MROH9: variants seen among roughly 807,000 people sequenced by gnomAD.
The protein encoded by MROH9 is maestro heat-like repeat-containing protein family member 9.
Under a neutral mutation model 98.2 loss-of-function variants are expected in MROH9, and 92 were observed. That is an observed-to-expected ratio of 0.94 (90% CI 0.79 to 1.11). The LOEUF (loss-of-function observed/expected upper bound fraction) is 1.11, where lower values mean the gene tolerates loss of function less well. Among genes scored for constraint, MROH9 ranks in the 50% most tolerant of loss-of-function variants. MROH9 has a pLI of 0.00. For missense variants in MROH9, 1,057 were observed against 1,014.8 expected (o/e 1.04, Z -0.57); for synonymous variants, 397 against 368.9 (o/e 1.08, Z -0.87).
rs375147336 is a variant in MROH9 at position 170,995,516 on chromosome 1, T to A, written c.1322T>A (p.Leu441His). Residue 441 changes from leucine (L) to histidine (H), a missense_variant, in exon 13 of 22, where the codon CTC becomes CAC. Coordinates refer to ENST00000367759, the MANE Select transcript of MROH9 (RefSeq NM_001163629.2). Reference protein sequence around the residue: ...VFYNSELKPILKDRALYAQDA... With the variant: ...VFYNSELKPIHKDRALYAQDA... ...TACAACAGTGAGCTGAAACCGATAC[T>A]CAAGGACAGGGCTTTGTGAGTTAAA... 9.3e-6 allele frequency: 15 copies of A among 1,613,068 alleles called. No homozygotes were observed. Among genetic ancestry groups the A allele is most frequent in the Non-Finnish European group, 1.3e-5 (15 of 1,179,466 alleles).
intron 20 of MROH9, among the ~76,000 whole-genome samples, chr1:171,040,089 A>C (rs1031854677): frequency 1.3e-5 from 2 of 152,164 alleles, no homozygotes; most frequent in Admixed American, 1.3e-4. Flanking sequence ...ACGTTAAAAT[A>C]AGTGAAATAA....
chr1:170,973,944 G>A (rs1278297856), intron 8 of MROH9, among the ~76,000 whole-genome samples: 1 of 152,104 alleles, frequency 6.6e-6, no homozygotes, highest in Non-Finnish European at 1.5e-5. Flanking sequence ...GGAATTAGAA[G>A]ATAAAAACAT....
chr1:171,029,043 C>T (rs1244218837), intron 20 of MROH9, among the ~76,000 whole-genome samples: 2 of 152,134 alleles, frequency 1.3e-5, no homozygotes, highest in African/African-American at 4.8e-5. Context: ...ACTTTCAATA[C>T]TATGTTGAAT....
intron 7 of MROH9, among the ~76,000 whole-genome samples, chr1:170,970,749 AG>A (rs1557878806): frequency 5.2e-4 from 74 of 142,554 alleles, no homozygotes; most frequent in Middle Eastern, 3.9e-3. Context: ...AGAGAGAGAG[AG>A]AGAGAGAGAG....
At chr1:170,990,657 G>A (rs1485613504) in intron 11 of MROH9, among the ~76,000 whole-genome samples, 1 of 152,188 alleles carries the variant, frequency 6.6e-6, no homozygotes, top group Non-Finnish European at 1.5e-5. Flanking sequence ...TATGAACAGT[G>A]TAAAAGGCAG....
Position 170,964,231 on chromosome 1 carries a change from T to A in MROH9, c.376-920T>A, listed in dbSNP as rs1650139076. Among the ~76,000 whole-genome samples the A allele has an allele frequency of 2.6e-5, 4 of 152,196 alleles. No homozygotes were observed. In the South Asian group the frequency reaches 8.3e-4, roughly 32 times the overall value. On this transcript the variant is annotated intron_variant, in intron 6 of 21. Coordinates refer to ENST00000367759, the MANE Select transcript of MROH9 (RefSeq NM_001163629.2). ...CAATAATATATATAATGCTAATGTG[T>A]GGAGGAGCCCCTCTAGCTTGGAAGC...
chr1:170,956,595 G>GTTTTT (rs5778690), intron 3 of MROH9, among the ~76,000 whole-genome samples: 1 of 104,608 alleles, frequency 9.6e-6, no homozygotes, highest in African/African-American at 3.8e-5. Context: ...TTTTTTTTTT[G>GTTTTT]TTTTTTTTTT....
chr1:170,968,326 T>C (rs1650310700), intron 7 of MROH9, among the ~76,000 whole-genome samples: 1 of 152,156 alleles, frequency 6.6e-6, no homozygotes, highest in Non-Finnish European at 1.5e-5. Flanking sequence ...AGTTGAGAAT[T>C]TTTCTTTTGC....
At chr1:171,053,273 A>G (rs951207411) in intron 20 of MROH9, among the ~76,000 whole-genome samples, 1 of 152,136 alleles carries the variant, frequency 6.6e-6, no homozygotes. Flanking sequence ...CCAAACAATG[A>G]TTGACTTTGG....
chr1:171,020,542 G>C (rs1652482611), intron 17 of MROH9, among the ~76,000 whole-genome samples: 1 of 152,082 alleles, frequency 6.6e-6, no homozygotes, highest in Admixed American at 6.5e-5. Context: ...ATGCCGAAAA[G>C]GCCTTCGATA....
At chr1:170,970,725 T>C (rs1176778140) in intron 7 of MROH9, among the ~76,000 whole-genome samples, 1 of 129,512 alleles carries the variant, frequency 7.7e-6, no homozygotes, top group Non-Finnish European at 1.6e-5. Flanking sequence ...TGTGTGTGTG[T>C]GTGTGTGAGA....
At chr1:171,009,790 A>T (rs1344833579) in intron 15 of MROH9, among the ~76,000 whole-genome samples, 1 of 152,238 alleles carries the variant, frequency 6.6e-6, no homozygotes, top group Non-Finnish European at 1.5e-5. Context: ...GGGGCCAAGA[A>T]AAATAGATGA....
intron 15 of MROH9, among the ~76,000 whole-genome samples, chr1:170,999,930 T>G (rs1457209563): frequency 6.6e-6 from 1 of 152,160 alleles, no homozygotes; most frequent in Non-Finnish European, 1.5e-5. Flanking sequence ...TTCCTGATTA[T>G]TAATGATGTT....
intron 15 of MROH9, among the ~76,000 whole-genome samples, chr1:171,000,166 A>G (rs1651740913): frequency 6.6e-6 from 1 of 152,062 alleles, no homozygotes; most frequent in Non-Finnish European, 1.5e-5. Context: ...TCCTTTTGTC[A>G]TGCAAAAGAT....
At chr1:171,036,821 A>G (rs1208310254) in intron 20 of MROH9, among the ~76,000 whole-genome samples, 1 of 151,672 alleles carries the variant, frequency 6.6e-6, no homozygotes, top group Admixed American at 6.6e-5. Context: ...AATGAATAAA[A>G]GCAAAAAACG....
intron 17 of MROH9, among the ~76,000 whole-genome samples, chr1:171,018,123 A>G (rs956597383): frequency 1.1e-4 from 16 of 152,114 alleles, no homozygotes; most frequent in African/African-American, 3.9e-4. Flanking sequence ...GTCATCAGAA[A>G]CCCTATACAG....
chr1:171,005,285 G>T (rs1219267331), intron 15 of MROH9, among the ~76,000 whole-genome samples: 1 of 152,104 alleles, frequency 6.6e-6, no homozygotes, highest in African/African-American at 2.4e-5. Flanking sequence ...TACCCAGGTT[G>T]ATCTCAAACT....
At chr1:170,963,914 A>G (rs1426727708) in intron 6 of MROH9, among the ~76,000 whole-genome samples, 1 of 152,070 alleles carries the variant, frequency 6.6e-6, no homozygotes, top group Non-Finnish European at 1.5e-5. Flanking sequence ...TTATCTATAT[A>G]AAAACCTGCA....
intron 8 of MROH9, among the ~76,000 whole-genome samples, chr1:170,975,134 T>TA (rs1416417988): frequency 6.6e-6 from 1 of 151,964 alleles, no homozygotes. Flanking sequence ...CCAATCATAA[T>TA]AAATGTAAAT....
Sources: allele counts gnomAD v4.1 joint callset (sites outside exome capture counted in the v4.1 genomes callset), GRCh38; gene constraint gnomAD v4.1.1; transcripts MANE v1.5; gene names NCBI Gene and HGNC (gene_info 2026-07-23, HGNC 2026-07-21).